Variants in TMEM223 observed in about 807,000 individuals in gnomAD.
TMEM223 encodes the protein transmembrane protein 223.
TMEM223 carries 14 observed loss-of-function variants against 14.1 expected under a neutral mutation model. The ratio of observed to expected loss-of-function variants is 0.99; its 90% CI spans 0.66 to 1.55. TMEM223 has a LOEUF of 1.55. TMEM223 is among the 40% of genes most tolerant of loss of function. The pLI, the probability that TMEM223 is intolerant of heterozygous loss-of-function variation, is 0.00. For synonymous variants in TMEM223, 145 were observed against 120.5 expected (o/e 1.20, Z -1.33); for missense variants, 346 against 269.9 (o/e 1.28, Z -1.97).
At position 62,781,983 on chromosome 11, in the gene TMEM223, T is replaced by C. The variant is rs761399823; in HGVS notation, c.315-7318A>G. 2.5e-6 allele frequency: 4 copies of C among 1,613,550 alleles called. No individual in the cohort carries two copies. In the African/African-American group the frequency reaches 5.3e-5, roughly 22 times the overall value. ...TGGTCAGTGGGGTAAGTGACCAGGCTGGGACAGGGAGAATGTTTTATAAGG... is the reference window on the plus strand; with the variant it reads ...TGGTCAGTGGGGTAAGTGACCAGGCCGGGACAGGGAGAATGTTTTATAAGG... On this transcript the variant is annotated intron_variant, in intron 1 of 2. Transcript: ENST00000528367.
intron 2 of TMEM223, among the ~76,000 whole-genome samples, chr11:62,774,146 G>T (rs536181733): frequency 6.6e-6 from 1 of 151,534 alleles, no homozygotes; most frequent in South Asian, 2.1e-4. Flanking sequence ...GCGTGATCTC[G>T]GCTCACTGCA....
At chr11:62,781,989 A>G in intron 1 of TMEM223, 1 of 1,612,988 alleles carries the variant, frequency 6.2e-7, no homozygotes, top group South Asian at 1.1e-5. Context: ...AGGCTGGGAC[A>G]GGGAGAATGT....
rs1003356493 is a variant in TMEM223, at chr11:62,776,667, A to C, written c.315-2002T>G. Among the ~76,000 whole-genome samples, 21 of 152,076 alleles carry C rather than the reference A, an allele frequency of 1.4e-4. 1 individual carries two copies. The highest frequency in any genetic ancestry group is 2.9e-5 in the Non-Finnish European group (2 of 67,996). ...GGACTTCAAGACCAGCCTGGCCAAC[A>C]TGGCGAAACCCCTTCTTTACTAAAA... On this transcript the variant is annotated intron_variant, in intron 1 of 2. Coordinates refer to the TMEM223 transcript ENST00000528367.
At chr11:62,788,891 A>G, downstream of TMEM223, 2 of 1,008,740 alleles carry the variant, frequency 2.0e-6, no homozygotes, top group Non-Finnish European at 2.9e-6. Flanking sequence ...TGTCCCAGAA[A>G]TAGGAATTGA....
Position 62,791,793 on chromosome 11 carries a change from A to T in TMEM223, c.202T>A (p.Ser68Thr). The T allele has an allele frequency of 6.4e-7, 1 of 1,572,866 alleles. No individual in the cohort carries two copies. Among genetic ancestry groups the T allele is most frequent in the Non-Finnish European group, 8.6e-7 (1 of 1,160,114 alleles). The change falls in exon 1 of 2, where the codon TCC becomes ACC. Residue 68 changes from serine (S) to threonine (T), a missense_variant. Ser to Thr is a moderately conservative substitution (Grantham distance 58). Coordinates refer to ENST00000307366, the MANE Select transcript of TMEM223 (RefSeq NM_001080501.3). ...FWASMAVAAV[S>T]RPPVPVQPLD... ...GGCTGCACCGGAACCGGGGGCCGGG[A>T]CACGGCTGCCACAGCCATGGAAGCC...
intron 2 of TMEM223, among the ~76,000 whole-genome samples, chr11:62,773,510 C>T (rs376654043): frequency 4.0e-5 from 6 of 149,986 alleles, no homozygotes; most frequent in East Asian, 2.0e-4. Context: ...TGCACTGGTG[C>T]GATCTTGACT....
At chr11:62,786,375 A>G (rs1272427022), downstream of TMEM223, 14 of 1,613,972 alleles carry the variant, frequency 8.7e-6, no homozygotes, top group South Asian at 1.1e-5. Context: ...CACAAAGTCT[A>G]TGGAGCCATT....
At chr11:62,782,475 C>A in intron 1 of TMEM223, 2 of 1,034,516 alleles carry the variant, frequency 1.9e-6, no homozygotes, top group Non-Finnish European at 2.8e-6. Context: ...AGCTGGTGTG[C>A]TGTGACACAC....
intron 1 of TMEM223, 107 bp downstream of exon 1, chr11:62,791,572 C>A (rs1177130692): frequency 3.4e-5 from 45 of 1,331,590 alleles, no homozygotes; most frequent in Non-Finnish European, 4.5e-5. Flanking sequence ...GGGTAAAGCC[C>A]GCCCGCCACT....
downstream of TMEM223, among the ~76,000 whole-genome samples, chr11:62,785,535 ATTC>A (rs756864071): frequency 2.2e-5 from 3 of 135,978 alleles, no homozygotes; most frequent in East Asian, 2.2e-4. Flanking sequence ...CTTATAGTTA[ATTC>A]TTTTTTTTTT....
chr11:62,791,628 C>A (rs1379697170), intron 1 of TMEM223, 51 bp downstream of exon 1: 2 of 1,475,424 alleles, frequency 1.4e-6, no homozygotes, highest in African/African-American at 1.4e-5. Context: ...TAGGGAAGGT[C>A]GTGTCCCGCC....
chr11:62,786,641 C>T (rs149852639), downstream of TMEM223: 5 of 1,602,836 alleles, frequency 3.1e-6, no homozygotes, highest in East Asian at 8.9e-5. Flanking sequence ...TTTCAAGAGT[C>T]GTCCTCCGGG....
At chr11:62,781,977 C>T (rs773912140) in intron 1 of TMEM223, 2 of 1,613,826 alleles carry the variant, frequency 1.2e-6, no homozygotes, top group East Asian at 4.5e-5. Context: ...GGGTAAGTGA[C>T]CAGGCTGGGA....
intron 1 of TMEM223, chr11:62,778,466 G>A (rs1433323918): frequency 8.9e-7 from 1 of 1,117,584 alleles, no homozygotes; most frequent in Non-Finnish European, 1.3e-6. Flanking sequence ...CATGGTCTGA[G>A]TGGGCGCTGG....
intron 2 of TMEM223, chr11:62,772,200 G>T: frequency 4.4e-6 from 2 of 454,740 alleles, no homozygotes; most frequent in South Asian, 3.1e-5. Flanking sequence ...TCCATATAAA[G>T]CACTTAGCTG....
intron 1 of TMEM223, chr11:62,781,962 C>A: frequency 6.2e-7 from 1 of 1,613,972 alleles, no homozygotes; most frequent in South Asian, 1.1e-5. Context: ...TTTATGTGGT[C>A]AGTGGGGTAA....
intron 1 of TMEM223, chr11:62,776,301 C>T (rs2084187705): frequency 1.4e-6 from 2 of 1,411,302 alleles, no homozygotes; most frequent in African/African-American, 2.8e-5. Flanking sequence ...TGCCTTCTCT[C>T]CAGTCTGGCC....
Position 62,778,955 on chromosome 11 carries a change from C to G in TMEM223, c.315-4290G>C, listed in dbSNP as rs377296557. ...TGCTGTGCTAGGGGATGATCCGCAA[C>G]TGATGAAGGTGAGCGAGTGGGCCCA... is the stretch of plus-strand genomic sequence containing the variant. On this transcript the variant is annotated intron_variant, in intron 1 of 2. Coordinates refer to the TMEM223 transcript ENST00000528367. 4 of 1,613,326 alleles carry G rather than the reference C, an allele frequency of 2.5e-6. No individual in the cohort carries two copies. In the African/African-American group the frequency reaches 5.3e-5, roughly 22 times the overall value.
chr11:62,782,917 G>T (rs2084241198), downstream of TMEM223: 1 of 1,534,152 alleles, frequency 6.5e-7, no homozygotes, highest in Non-Finnish European at 8.8e-7. Flanking sequence ...AAAATAGTGT[G>T]TGCCTGCCAC....
Sources: allele counts gnomAD v4.1 joint callset (sites outside exome capture counted in the v4.1 genomes callset), GRCh38; gene constraint gnomAD v4.1.1; transcripts MANE v1.5; gene names NCBI Gene and HGNC (gene_info 2026-07-23, HGNC 2026-07-21).